The following MYCBP2 variants were observed in gnomAD, a reference collection of about 807,000 sequenced individuals.
MYCBP2 encodes the protein E3 ubiquitin-protein ligase MYCBP2.
MYCBP2 carries 120 observed loss-of-function variants against 525.3 expected under a neutral mutation model. The ratio of observed to expected loss-of-function variants is 0.23; its 90% CI spans 0.20 to 0.27. The LOEUF (loss-of-function observed/expected upper bound fraction) is 0.27, where lower values mean the gene tolerates loss of function less well. Among genes scored for constraint, MYCBP2 ranks in the 10% least tolerant of loss-of-function variants. The pLI is 1.00. For synonymous variants in MYCBP2, 1,894 were observed against 1,955.8 expected, an observed-to-expected ratio of 0.97 and a Z score of 0.83; for missense variants, 4,149 against 5,657.1, an observed-to-expected ratio of 0.73 and a Z score of 8.55.
intron 13 of MYCBP2, among the ~76,000 whole-genome samples, chr13:77,259,207 G>C (rs943182518): frequency 6.6e-5 from 10 of 152,134 alleles, no homozygotes. Context: ...AGAGGTTGCA[G>C]TAAGCTGAGA....
In MYCBP2 at chr13:77,326,817, C is replaced by T. The variant is rs1482532710; in HGVS notation, c.-42G>A. The T allele has an allele frequency of 2.2e-6, 3 of 1,388,564 alleles. No homozygotes were observed. The highest frequency in any genetic ancestry group is 2.8e-6 in the Non-Finnish European group (3 of 1,084,152). 86.0% of individuals were successfully genotyped at this position (1,388,564 alleles called of 1,614,324 possible). ...GCCGCCGCCGCCTCGTCCCCGCGGG[C>T]CGGGCGGGCAGACACGCGCGCGCAC... On this transcript the variant is annotated 5_prime_UTR_variant, in exon 1 of 83. Transcript: ENST00000544440. This position sits in a 1 kb window ranked among gnomAD's most constrained non-coding sequence, Gnocchi z 4.2.
At chr13:77,254,683 G>C (rs537246838) in intron 14 of MYCBP2, among the ~76,000 whole-genome samples, 1 of 151,718 alleles carries the variant, frequency 6.6e-6, no homozygotes, top group Non-Finnish European at 1.5e-5. Flanking sequence ...ACCCTACTCT[G>C]CTCCTGAACA....
In MYCBP2 at chr13:77,161,951, A is replaced by C; in HGVS notation, c.6552T>G (p.Asn2184Lys). Residue 2184 changes from asparagine (N) to lysine (K), a missense_variant, in exon 44 of 83, where the codon AAT (asparagine) becomes AAG (lysine). Asn to Lys is a moderately conservative substitution (Grantham distance 94). Coordinates refer to ENST00000544440, the MANE Select transcript of MYCBP2 (RefSeq NM_015057.5). ...MKKDLALPIG[N>K]ELEEDLEILE... ...GAATTTCAAGGTCTTCTTCTAATTC[A>C]TTACCTGTTGTGTAAATAAAGAGTT... The C allele has an allele frequency of 6.2e-7, 1 of 1,602,034 alleles. No individual in the cohort carries two copies. The highest frequency in any genetic ancestry group is 8.5e-7 in the Non-Finnish European group (1 of 1,171,982).
At chr13:77,262,230 C>A in intron 10 of MYCBP2, 101 bp from the exon 11 acceptor site, 1 of 940,754 alleles carries the variant, frequency 1.1e-6, no homozygotes, top group Non-Finnish European at 1.6e-6. Flanking sequence ...TTCAAAATCA[C>A]TAAAAAACAA....
chr13:77,155,456 G>A (rs2057093209), intron 46 of MYCBP2, among the ~76,000 whole-genome samples: 2 of 151,996 alleles, frequency 1.3e-5, no homozygotes, highest in South Asian at 4.1e-4. Flanking sequence ...AGAAATAAAA[G>A]TTTTAAATGA....
intron 40 of MYCBP2, among the ~76,000 whole-genome samples, chr13:77,166,987 A>G (rs1026317249): frequency 1.6e-5 from 2 of 122,264 alleles, no homozygotes; most frequent in African/African-American, 6.7e-5. Flanking sequence ...ACACACACAC[A>G]CACACACACA....
At chr13:77,257,895 A>AG (rs2072523021) in intron 13 of MYCBP2, 66 bp from the exon 14 acceptor site, 1 of 1,321,618 alleles carries the variant, frequency 7.6e-7, no homozygotes. Flanking sequence ...TAAAAGAACT[A>AG]CCTCAATGCA....
At chr13:77,240,815 T>C (rs1331820989) in intron 17 of MYCBP2, among the ~76,000 whole-genome samples, 2 of 152,116 alleles carry the variant, frequency 1.3e-5, no homozygotes, top group Non-Finnish European at 1.5e-5. Context: ...GCAAGGACTG[T>C]GATAATTGAG....
intron 37 of MYCBP2, among the ~76,000 whole-genome samples, chr13:77,174,088 G>A (rs187408563): frequency 1.7e-4 from 26 of 152,296 alleles, no homozygotes; most frequent in African/African-American, 6.3e-4. Flanking sequence ...CAATGATATT[G>A]AAGAAATAAC....
At chr13:77,287,034 G>C (rs1248931269) in intron 3 of MYCBP2, among the ~76,000 whole-genome samples, 2 of 146,086 alleles carry the variant, frequency 1.4e-5, no homozygotes, top group South Asian at 2.2e-4. Flanking sequence ...ACAGGCGCCC[G>C]CCACCGTGAC....
intron 17 of MYCBP2, 118 bp from the exon 18 acceptor site, chr13:77,233,381 T>C (rs2067398979): frequency 1.3e-6 from 1 of 782,900 alleles, no homozygotes; most frequent in East Asian, 2.7e-5. Flanking sequence ...TTTTGGACAT[T>C]ATACTTTTCT....
intron 39 of MYCBP2, among the ~76,000 whole-genome samples, chr13:77,169,130 C>T (rs1001592684): frequency 1.6e-4 from 25 of 152,182 alleles, no homozygotes; most frequent in Non-Finnish European, 2.6e-4. Context: ...GCCAACAGGC[C>T]GGGCGCGGTG....
chr13:77,140,007 C>G, intron 51 of MYCBP2, 40 bp downstream of exon 51: 1 of 1,415,954 alleles, frequency 7.1e-7, no homozygotes, highest in Non-Finnish European at 9.8e-7. Context: ...CAAAAACTTT[C>G]TGTCCAAAAT....
intron 5 of MYCBP2, among the ~76,000 whole-genome samples, chr13:77,270,830 T>C (rs189710025): frequency 3.9e-5 from 6 of 152,294 alleles, no homozygotes; most frequent in Admixed American, 2.0e-4. Context: ...GGAACTCAGA[T>C]TGTATTACAT....
intron 81 of MYCBP2, 146 bp downstream of exon 81, chr13:77,051,665 T>C (rs2285384): frequency 0.026 from 14,008 of 536,416 alleles, 284 homozygotes; most frequent in Middle Eastern, 0.054. Context: ...ATATATGAAA[T>C]AATGTGAAAA....
At chr13:77,208,870 T>A (rs756670845) in intron 23 of MYCBP2, among the ~76,000 whole-genome samples, 4 of 152,230 alleles carry the variant, frequency 2.6e-5, no homozygotes, top group Non-Finnish European at 5.9e-5. Flanking sequence ...TTAACATTTA[T>A]CTGCTCTTTA....
In MYCBP2 at chr13:77,165,373, G is replaced by GA; in HGVS notation, c.6358dup (p.Ser2120PhefsTer12). The GA allele has an allele frequency of 6.3e-7, 1 of 1,594,726 alleles. No homozygotes were observed. On this transcript the variant is annotated frameshift_variant, in exon 42 of 83. Coordinates refer to ENST00000544440, the MANE Select transcript of MYCBP2 (RefSeq NM_015057.5). LOFTEE classifies it high-confidence loss of function. ...CACATAATCTGATGCAGTCTCCAATGAAAAAAGGGCCTCATTTCCTAATAA... is the reference window on the plus strand; with the variant it reads ...CACATAATCTGATGCAGTCTCCAATGAAAAAAAGGGCCTCATTTCCTAATAA...
At chr13:77,161,845 G>T in intron 44 of MYCBP2, 61 bp downstream of exon 44, 2 of 1,290,390 alleles carry the variant, frequency 1.5e-6, no homozygotes, top group Non-Finnish European at 2.2e-6. Flanking sequence ...AGGCTGATCT[G>T]AGTGACAATA....
At chr13:77,273,736 AT>A in intron 4 of MYCBP2, 68 bp from the exon 5 acceptor site, 2 of 1,204,864 alleles carry the variant, frequency 1.7e-6, no homozygotes, top group Non-Finnish European at 2.2e-6. Context: ...ATATTTATTT[AT>A]TTTTACTTTG....
Sources: allele counts gnomAD v4.1 joint callset (sites outside exome capture counted in the v4.1 genomes callset), GRCh38; gene constraint gnomAD v4.1.1; non-coding constraint Gnocchi (gnomAD v3.1); transcripts MANE v1.5; gene names NCBI Gene and HGNC (gene_info 2026-07-23, HGNC 2026-07-21).